The following ROR1 variants were observed in gnomAD, a reference collection of about 807,000 sequenced individuals.
ROR1 encodes inactive tyrosine-protein kinase transmembrane receptor ROR1.
Under a neutral mutation model 78.8 loss-of-function variants are expected in ROR1, and 19 were observed. That is an observed-to-expected ratio of 0.24 (90% confidence interval 0.17 to 0.35). The LOEUF (loss-of-function observed/expected upper bound fraction) is 0.35. Among genes scored for constraint, ROR1 ranks in the 10% least tolerant of loss-of-function variants. ROR1 has a pLI of 1.00. For synonymous variants in ROR1, 386 were observed against 433.6 expected (o/e 0.89, Z 1.36); for missense variants, 917 against 1,177.8 (o/e 0.78, Z 3.24).
chr1:63,918,276 C>T (rs72912813), intron 1 of ROR1, among the ~76,000 whole-genome samples: 2,487 of 152,288 alleles, frequency 0.016, 70 homozygotes, highest in African/African-American at 0.058. Context: ...CCCAGCACGA[C>T]GCACTGAATG....
intron 2 of ROR1, among the ~76,000 whole-genome samples, chr1:64,040,964 A>G (rs1646741440): frequency 6.6e-6 from 1 of 152,186 alleles, no homozygotes; most frequent in African/African-American, 2.4e-5. Flanking sequence ...ACTGGTAAAA[A>G]TCATAGCACC....
chr1:64,143,262 G>A (rs1164919246), intron 7 of ROR1: 3 of 983,844 alleles, frequency 3.0e-6, no homozygotes, highest in Admixed American at 5.9e-5. Flanking sequence ...GCTTATACCT[G>A]TAATCCCAAC....
chr1:64,031,205 C>T (rs983954718), intron 2 of ROR1, among the ~76,000 whole-genome samples: 2 of 152,200 alleles, frequency 1.3e-5, no homozygotes, highest in Admixed American at 6.5e-5. Flanking sequence ...TTGGAGGACA[C>T]AGCTTGGAAA....
intron 4 of ROR1, among the ~76,000 whole-genome samples, chr1:64,071,582 G>GACTCACACACAC (rs1647004330): frequency 9.4e-6 from 1 of 106,382 alleles, no homozygotes; most frequent in African/African-American, 3.1e-5. Flanking sequence ...CACCCACACA[G>GACTCACACACAC]ACACACACAC....
chr1:64,125,105 T>C (rs1456905906), intron 4 of ROR1, among the ~76,000 whole-genome samples: 1 of 152,222 alleles, frequency 6.6e-6, no homozygotes, highest in Non-Finnish European at 1.5e-5. Context: ...TTTAATGTTC[T>C]AATGAAAAAA....
intron 7 of ROR1, among the ~76,000 whole-genome samples, chr1:64,158,041 G>C (rs1168687106): frequency 6.6e-6 from 1 of 152,148 alleles, no homozygotes; most frequent in Non-Finnish European, 1.5e-5. Context: ...CCATAATTCT[G>C]TGTTTGTTTT....
At position 64,049,686 on chromosome 1, in the gene ROR1, C is replaced by T. The variant is rs750594778; in HGVS notation, c.164-5C>T. ...CTCTCACCTGCCTCCTCTCTGTGCT[C>T]ACAGATTCTTACCTGACCCTCGATG... On this transcript the variant is annotated splice_polypyrimidine_tract_variant and splice_region_variant and intron_variant, in intron 2 of 8. Transcript: ENST00000371079. 1 of 1,611,574 alleles carries T rather than the reference C, an allele frequency of 6.2e-7. No individual in the cohort carries two copies. The highest frequency in any genetic ancestry group is 8.5e-7 in the Non-Finnish European group (1 of 1,178,300).
At chr1:64,037,968 C>T (rs1483172544) in intron 2 of ROR1, among the ~76,000 whole-genome samples, 3 of 152,122 alleles carry the variant, frequency 2.0e-5, no homozygotes, top group Non-Finnish European at 4.4e-5. Context: ...CTCTCTCACA[C>T]CTTCCCTGAT....
At chr1:63,897,108 T>C (rs909800382) in intron 1 of ROR1, among the ~76,000 whole-genome samples, 2 of 152,244 alleles carry the variant, frequency 1.3e-5, no homozygotes, top group Admixed American at 6.5e-5. Context: ...TTATTCACTA[T>C]TGGTACTGCC....
intron 5 of ROR1, 95 bp downstream of exon 5, chr1:64,137,591 T>C: frequency 7.9e-7 from 1 of 1,271,298 alleles, no homozygotes; most frequent in South Asian, 1.4e-5. Flanking sequence ...AGGATTAAGC[T>C]CAGCATGGAG....
chr1:64,012,688 G>C (rs1646486247), intron 2 of ROR1, among the ~76,000 whole-genome samples: 1 of 152,132 alleles, frequency 6.6e-6, no homozygotes, highest in Non-Finnish European at 1.5e-5. Flanking sequence ...AAAACACATG[G>C]AAAAGCTCAT....
chr1:63,890,006 C>T (rs1645383318), intron 1 of ROR1, among the ~76,000 whole-genome samples: 1 of 152,008 alleles, frequency 6.6e-6, no homozygotes, highest in Non-Finnish European at 1.5e-5. Flanking sequence ...TCCTGGCTTA[C>T]CACATCCAGA....
intron 1 of ROR1, among the ~76,000 whole-genome samples, chr1:63,938,265 T>C (rs2100453107): frequency 6.6e-6 from 1 of 152,290 alleles, no homozygotes; most frequent in South Asian, 2.1e-4. Context: ...TTATAAGTAA[T>C]CTGGAGATGA....
At chr1:64,076,440 T>C (rs1341558863) in intron 4 of ROR1, among the ~76,000 whole-genome samples, 1 of 152,216 alleles carries the variant, frequency 6.6e-6, no homozygotes, top group Admixed American at 6.5e-5. Flanking sequence ...AAATTGTGTT[T>C]TCTCCAGATA....
At chr1:64,100,188 T>A (rs1359298) in intron 4 of ROR1, among the ~76,000 whole-genome samples, 64,991 of 151,486 alleles carry the variant, frequency 0.43, 14,368 homozygotes, top group Non-Finnish European at 0.5. Context: ...GTATTTTTTT[T>A]AAAAAAAAGT....
At chr1:63,905,862 A>G (rs978040082) in intron 1 of ROR1, among the ~76,000 whole-genome samples, 6 of 152,236 alleles carry the variant, frequency 3.9e-5, no homozygotes, top group Non-Finnish European at 8.8e-5. Flanking sequence ...TTATAGCTCA[A>G]TTCCTCAAGT....
chr1:63,970,606 G>A (rs1212041404), intron 1 of ROR1, among the ~76,000 whole-genome samples: 1 of 151,910 alleles, frequency 6.6e-6, no homozygotes, highest in Non-Finnish European at 1.5e-5. Flanking sequence ...AAAATACATT[G>A]GTATAAAAGG....
Position 63,862,767 on chromosome 1 carries a change from C to T in ROR1, c.91+88259C>T, listed in dbSNP as rs192272667. Among the ~76,000 whole-genome samples, 396 of 152,220 alleles carry T rather than the reference C, an allele frequency of 2.6e-3. 1 individual carries two copies. Among genetic ancestry groups the T allele is most frequent in the Non-Finnish European group, 5.0e-3 (337 of 68,008 alleles). ...TTTAACTCTGACATAAACATGGGAA[C>T]ACTGCGCCTCAGTGTCATTGTCTGT... On this transcript the variant is annotated intron_variant, in intron 1 of 8. Coordinates refer to ENST00000371079, the MANE Select transcript of ROR1 (RefSeq NM_005012.4).
intron 4 of ROR1, among the ~76,000 whole-genome samples, chr1:64,100,605 A>G (rs1647489379): frequency 6.6e-6 from 1 of 152,238 alleles, no homozygotes; most frequent in Non-Finnish European, 1.5e-5. Context: ...TAATTTTGAT[A>G]AATACTCCAA....
Sources: gnomAD v4.1 joint callset for allele counts (sites outside exome capture counted in the v4.1 genomes callset) on GRCh38, gnomAD v4.1.1 for gene constraint, MANE v1.5 for transcripts, NCBI Gene and HGNC (gene_info 2026-07-23, HGNC 2026-07-21) for gene names.